The following KCNQ1 variants were observed in gnomAD, a reference collection of about 807,000 sequenced individuals.
The protein encoded by KCNQ1 is potassium voltage-gated channel subfamily Q member 1, also known as potassium voltage-gated channel subfamily KQT member 1.
Under a neutral mutation model 72.4 loss-of-function variants are expected in KCNQ1, and 49 were observed. That is an observed-to-expected ratio of 0.68 (90% CI 0.54 to 0.86). The LOEUF is 0.86. KCNQ1 is among the 40% of genes least tolerant of loss of function. The probability of loss-of-function intolerance (pLI) is 0.00; values close to 1 mark genes in which losing one functional copy is unlikely to be tolerated. For missense variants in KCNQ1, 790 were observed against 945.1 expected, an observed-to-expected ratio of 0.84 and a Z score of 2.15; for synonymous variants, 450 against 412.6, an observed-to-expected ratio of 1.09 and a Z score of -1.10.
chr11:2,512,405 A>G (rs1331912931), intron 1 of KCNQ1, among the ~76,000 whole-genome samples: 1 of 151,378 alleles, frequency 6.6e-6, no homozygotes, highest in Non-Finnish European at 1.5e-5. Context: ...CAATATGCCT[A>G]CCTCCCTCTC....
At chr11:2,542,979 C>T (rs531334840) in intron 2 of KCNQ1, among the ~76,000 whole-genome samples, 2 of 152,140 alleles carry the variant, frequency 1.3e-5, no homozygotes, top group South Asian at 4.1e-4. Flanking sequence ...AACTCATCAA[C>T]CCTTGACGTG....
chr11:2,568,983 C>T (rs927237876), intron 2 of KCNQ1, among the ~76,000 whole-genome samples: 1 of 152,156 alleles, frequency 6.6e-6, no homozygotes, highest in African/African-American at 2.4e-5. Context: ...CTCTCGAGTT[C>T]AAGCGATTCT....
In KCNQ1 at chr11:2,672,235, C is replaced by A. The variant is rs184530872; in HGVS notation, c.1514+10154C>A. ...TGAATTCCTTCCAGTCCAAAATACT[C>A]AAATGCTTTTTTCTGCTTTTCTTTT... On this transcript the variant is annotated intron_variant, in intron 11 of 15. Transcript: ENST00000155840. The A allele has an allele frequency of 2.6e-4, 105 of 398,660 alleles. No homozygotes were observed. The Admixed American group carries it at 2.9e-3, about 11-fold the overall frequency. 24.7% of individuals were successfully genotyped at this position (398,660 alleles called of 1,614,324 possible). A position where few individuals can be genotyped will look rare whatever the true frequency, so the allele number is the denominator to read the frequency against.
rs2133683656 is a variant in KCNQ1 at position 2,544,509 on chromosome 11, A to C, written c.477+16491A>C. On this transcript the variant is annotated intron_variant, in intron 2 of 15. Coordinates refer to ENST00000155840, the MANE Select transcript of KCNQ1 (RefSeq NM_000218.3). This position sits in a 1 kb window ranked among gnomAD's most constrained non-coding sequence, Gnocchi z 4.4. ...ATATGAGGTTATATACCACTTATTT[A>C]GATTTTTAACTTCTGTCAGAGATGT... is the stretch of plus-strand genomic sequence containing the variant. Among the ~76,000 whole-genome samples, 2 of 151,966 alleles carry C rather than the reference A, an allele frequency of 1.3e-5. No homozygotes were observed. Among genetic ancestry groups the C allele is most frequent in the South Asian group, 4.1e-4 (2 of 4,826 alleles).
intron 11 of KCNQ1, among the ~76,000 whole-genome samples, chr11:2,736,116 G>A (rs888273458): frequency 1.3e-5 from 2 of 152,142 alleles, no homozygotes; most frequent in Non-Finnish European, 2.9e-5. Context: ...AGATGCCAGA[G>A]GGGGCTCATT....
At position 2,497,895 on chromosome 11, in the gene KCNQ1, G is replaced by T. The variant is rs575322045; in HGVS notation, c.387-30033G>T. Among the ~76,000 whole-genome samples, 1 of 152,264 alleles carries T rather than the reference G, an allele frequency of 6.6e-6. No homozygotes were observed. The highest frequency in any genetic ancestry group is 2.4e-5 in the African/African-American group (1 of 41,568). On this transcript the variant is annotated intron_variant, in intron 1 of 15. Transcript: ENST00000155840. This position sits in a 1 kb window ranked among gnomAD's most constrained non-coding sequence, Gnocchi z 4.5. Reference sequence around the variant, plus strand: ...GTTGATGTTGATTTTGTTGCTTTCTGTTTGCTAGCTTTTCTTCTAAGAGTC... The same window carrying T: ...GTTGATGTTGATTTTGTTGCTTTCTTTTTGCTAGCTTTTCTTCTAAGAGTC...
chr11:2,630,953 C>T (rs1191542344), intron 10 of KCNQ1: 3 of 398,504 alleles, frequency 7.5e-6, no homozygotes, highest in Non-Finnish European at 1.3e-5. Context: ...CACTGATAGC[C>T]TTATGGAGGT....
Position 2,830,836 on chromosome 11 carries a change from C to G in KCNQ1, c.1795-16931C>G, listed in dbSNP as rs1422372568. ...CTCCCCATCATCAGGTAACCCAGCA[C>G]AGGCTGGCCCAACCCCTCTCTAGGC... On this transcript the variant is annotated intron_variant, in intron 15 of 15. Coordinates refer to ENST00000155840, the MANE Select transcript of KCNQ1 (RefSeq NM_000218.3). This position sits in a 1 kb window ranked among gnomAD's most constrained non-coding sequence, Gnocchi z 7.7. 2.0e-5 allele frequency among the ~76,000 whole-genome samples: 3 copies of G among 152,222 alleles called. No individual in the cohort carries two copies. The highest frequency in any genetic ancestry group is 7.2e-5 in the African/African-American group (3 of 41,458).
rs1849887576 is a variant in KCNQ1 at position 2,658,278 on chromosome 11, A to G, written c.1394-3683A>G. 2.5e-6 allele frequency: 1 copy of G among 398,294 alleles called. No individual in the cohort carries two copies. Among genetic ancestry groups the G allele is most frequent in the South Asian group, 1.3e-4 (1 of 7,860 alleles). 24.7% of individuals were successfully genotyped at this position (398,294 alleles called of 1,614,324 possible). On this transcript the variant is annotated intron_variant, in intron 10 of 15. Coordinates refer to ENST00000155840, the MANE Select transcript of KCNQ1 (RefSeq NM_000218.3). The surrounding 1 kb of genome is among the most constrained non-coding windows in gnomAD (Gnocchi z 4.9). ...TACTTCTATTTTCCTCATTCCTTCT[A>G]CATTTTTTATTTGGAATTCCTTTAT...
chr11:2,541,336 G>C lies in KCNQ1; in HGVS notation c.477+13318G>C, dbSNP rs1847819414. ...GATGCGTGCATTCAGAGCAGCATTT[G>C]GTGGGGAACCTGGGGGAAGGGCGGG... On this transcript the variant is annotated intron_variant, in intron 2 of 15. Transcript: ENST00000155840. The surrounding 1 kb of genome is among the most constrained non-coding windows in gnomAD (Gnocchi z 4.8). Among the ~76,000 whole-genome samples the C allele has an allele frequency of 6.6e-6, 1 of 152,228 alleles. No individual in the cohort carries two copies. Among genetic ancestry groups the C allele is most frequent in the Admixed American group, 6.5e-5 (1 of 15,294 alleles).
At chr11:2,518,991 G>A (rs1847332661) in intron 1 of KCNQ1, among the ~76,000 whole-genome samples, 2 of 152,190 alleles carry the variant, frequency 1.3e-5, no homozygotes, top group South Asian at 4.1e-4. Context: ...TCCTTCTGTG[G>A]TTTGTGCCCT....
At chr11:2,786,387 A>C (rs976992780) in intron 15 of KCNQ1, among the ~76,000 whole-genome samples, 1 of 152,118 alleles carries the variant, frequency 6.6e-6, no homozygotes, top group South Asian at 2.1e-4. Flanking sequence ...TCTAGTCTGC[A>C]TTTTCACTAG....
At chr11:2,449,373 G>A (rs575291509) in intron 1 of KCNQ1, among the ~76,000 whole-genome samples, 6 of 152,208 alleles carry the variant, frequency 3.9e-5, no homozygotes, top group Non-Finnish European at 5.9e-5. Context: ...TGCGGGCTGC[G>A]TTGTGTCACA....
chr11:2,719,318 A>G (rs1292497299), intron 11 of KCNQ1, among the ~76,000 whole-genome samples: 1 of 124,878 alleles, frequency 8.0e-6, no homozygotes, highest in African/African-American at 3.2e-5. Flanking sequence ...GTATAACGAG[A>G]CTCTGTCTCT....
intron 1 of KCNQ1, among the ~76,000 whole-genome samples, chr11:2,527,197 G>A (rs1474754736): frequency 3.3e-5 from 5 of 152,136 alleles, no homozygotes; most frequent in East Asian, 3.9e-4. Context: ...TCTGTGGCTC[G>A]GCCTCGGGGC....
chr11:2,733,543 G>A (rs1448144866), intron 11 of KCNQ1, among the ~76,000 whole-genome samples: 1 of 152,004 alleles, frequency 6.6e-6, no homozygotes, highest in Non-Finnish European at 1.5e-5. Context: ...AGAGCATAGG[G>A]ACCCCAAAGA....
At chr11:2,721,696 G>A (rs1265718760) in intron 11 of KCNQ1, among the ~76,000 whole-genome samples, 1 of 152,230 alleles carries the variant, frequency 6.6e-6, no homozygotes, top group Non-Finnish European at 1.5e-5. Flanking sequence ...TGCAGATCAC[G>A]CCAGGCAGGC....
chr11:2,680,656 C>T (rs1397415328), intron 11 of KCNQ1: 2 of 398,476 alleles, frequency 5.0e-6, no homozygotes, highest in East Asian at 3.6e-5. Flanking sequence ...TTGATAGTCT[C>T]ACTACAGGAC....
At chr11:2,619,323 G>A in intron 10 of KCNQ1, 1 of 398,414 alleles carries the variant, frequency 2.5e-6, no homozygotes. Context: ...TTCATAAATG[G>A]CATTCGTTAT....
Sources: allele counts gnomAD v4.1 joint callset (sites outside exome capture counted in the v4.1 genomes callset), GRCh38; gene constraint gnomAD v4.1.1; non-coding constraint Gnocchi (gnomAD v3.1); transcripts MANE v1.5; gene names NCBI Gene and HGNC (gene_info 2026-07-23, HGNC 2026-07-21).